The following NKAIN3 variants were observed in gnomAD, a reference collection of about 807,000 sequenced individuals.
The protein encoded by NKAIN3 is sodium/potassium-transporting ATPase subunit beta-1-interacting protein 3.
NKAIN3 carries 25 observed loss-of-function variants against 30.2 expected under a neutral mutation model. That is an observed-to-expected ratio of 0.83 (90% CI 0.60 to 1.16). The LOEUF is 1.16. Ranked by LOEUF, NKAIN3 falls within the 50% of genes most tolerant of loss-of-function variation. The pLI is 0.00. For synonymous variants in NKAIN3, 91 were observed against 89.6 expected (o/e 1.02, Z -0.09); for missense variants, 225 against 254.1 (o/e 0.89, Z 0.78).
At chr8:62,331,250 C>G (rs144238769) in intron 1 of NKAIN3, among the ~76,000 whole-genome samples, 1 of 151,302 alleles carries the variant, frequency 6.6e-6, no homozygotes, top group African/African-American at 2.4e-5. Flanking sequence ...GATCTTCACT[C>G]CCTCCTGTCC....
chr8:62,339,766 T>G (rs1356791913), intron 1 of NKAIN3, among the ~76,000 whole-genome samples: 1 of 152,056 alleles, frequency 6.6e-6, no homozygotes, highest in Non-Finnish European at 1.5e-5. Flanking sequence ...GTACCCCAAG[T>G]TAAAAAGTAA....
At chr8:62,958,889 G>T (rs1823493165) in intron 6 of NKAIN3, among the ~76,000 whole-genome samples, 1 of 152,214 alleles carries the variant, frequency 6.6e-6, no homozygotes, top group Non-Finnish European at 1.5e-5. Flanking sequence ...GACTTCTACA[G>T]CAAAGGTAGA....
chr8:62,936,145 G>C (rs560675896), intron 5 of NKAIN3, among the ~76,000 whole-genome samples: 1 of 152,224 alleles, frequency 6.6e-6, no homozygotes, highest in South Asian at 2.1e-4. Flanking sequence ...TCTTCCTCAT[G>C]GTAGTGGCTT....
At chr8:62,280,995 A>G (rs1813160586) in intron 1 of NKAIN3, among the ~76,000 whole-genome samples, 1 of 152,224 alleles carries the variant, frequency 6.6e-6, no homozygotes, top group East Asian at 1.9e-4. Context: ...CTGTGAATCC[A>G]TCTGGTCCTG....
At chr8:62,639,080 C>A (rs1296291674) in intron 3 of NKAIN3, among the ~76,000 whole-genome samples, 1 of 152,128 alleles carries the variant, frequency 6.6e-6, no homozygotes, top group Non-Finnish European at 1.5e-5. Flanking sequence ...ACACTATGCC[C>A]TTTGATTTAA....
chr8:62,706,630 G>C (rs1464821932), intron 3 of NKAIN3, among the ~76,000 whole-genome samples: 1 of 151,876 alleles, frequency 6.6e-6, no homozygotes, highest in Admixed American at 6.6e-5. Context: ...GTATGTCCCA[G>C]TAATCTATCT....
At chr8:62,999,093 T>G (rs4739040) in intron 5 of NKAIN3, 29,554 of 152,102 alleles carry the variant, frequency 0.19, 2,966 homozygotes, top group East Asian at 0.41. Flanking sequence ...CTTGTTTGGG[T>G]TCCTTATATA....
chr8:62,573,243 G>A (rs1810003471), intron 1 of NKAIN3, among the ~76,000 whole-genome samples: 1 of 152,032 alleles, frequency 6.6e-6, no homozygotes, highest in African/African-American at 2.4e-5. Context: ...AGACTTTGAA[G>A]TTTTTTACAA....
intron 3 of NKAIN3, among the ~76,000 whole-genome samples, chr8:62,644,731 G>T (rs1356303372): frequency 2.0e-5 from 3 of 152,070 alleles, no homozygotes; most frequent in Non-Finnish European, 4.4e-5. Context: ...TTTGATTTTT[G>T]ATGGTTCCTC....
At chr8:62,579,507 C>A in intron 1 of NKAIN3, 32 bp from the exon 2 acceptor site, 1 of 1,563,692 alleles carries the variant, frequency 6.4e-7, no homozygotes, top group Non-Finnish European at 8.7e-7. Context: ...TGCTTGGATT[C>A]AATGCTAATG....
chr8:62,455,313 T>C (rs556169203), intron 1 of NKAIN3, among the ~76,000 whole-genome samples: 1 of 152,350 alleles, frequency 6.6e-6, no homozygotes, highest in South Asian at 2.1e-4. Flanking sequence ...GCGGTTCATG[T>C]ACTCCATGGA....
chr8:62,754,035 G>T (rs1022367657), intron 4 of NKAIN3, among the ~76,000 whole-genome samples: 1 of 151,932 alleles, frequency 6.6e-6, no homozygotes, highest in Non-Finnish European at 1.5e-5. Flanking sequence ...TTATGGATAT[G>T]CCTTCCCAAA....
At chr8:62,918,761 T>C (rs1822181977) in intron 5 of NKAIN3, among the ~76,000 whole-genome samples, 2 of 152,162 alleles carry the variant, frequency 1.3e-5, no homozygotes, top group African/African-American at 4.8e-5. Context: ...ACTGCTGTCA[T>C]ATCATATATT....
At chr8:62,598,138 A>C (rs1810887440) in intron 3 of NKAIN3, among the ~76,000 whole-genome samples, 1 of 152,058 alleles carries the variant, frequency 6.6e-6, no homozygotes, top group Admixed American at 6.6e-5. Context: ...CATGACCAAG[A>C]AGTATAAGGC....
At chr8:62,912,519 G>A (rs1406881780) in intron 4 of NKAIN3, among the ~76,000 whole-genome samples, 2 of 151,968 alleles carry the variant, frequency 1.3e-5, no homozygotes, top group South Asian at 2.1e-4. Flanking sequence ...CAAACACATC[G>A]ACCTTCTGCA....
intron 1 of NKAIN3, among the ~76,000 whole-genome samples, chr8:62,319,182 C>T (rs906557633): frequency 6.6e-6 from 1 of 151,868 alleles, no homozygotes; most frequent in African/African-American, 2.4e-5. Context: ...TGGTGATATC[C>T]CCTTTATCAT....
intron 4 of NKAIN3, among the ~76,000 whole-genome samples, chr8:62,828,217 C>A (rs368788162): frequency 6.6e-6 from 1 of 151,956 alleles, no homozygotes; most frequent in Non-Finnish European, 1.5e-5. Flanking sequence ...ACTATTGTTA[C>A]ATAAAATTAA....
At chr8:62,629,777 A>T (rs1285213423) in intron 3 of NKAIN3, among the ~76,000 whole-genome samples, 1 of 152,160 alleles carries the variant, frequency 6.6e-6, no homozygotes, top group African/African-American at 2.4e-5. Flanking sequence ...TTAGACTGGT[A>T]AATACTAATC....
intron 4 of NKAIN3, among the ~76,000 whole-genome samples, chr8:62,885,380 A>G (rs1264730109): frequency 6.6e-6 from 1 of 152,128 alleles, no homozygotes; most frequent in East Asian, 1.9e-4. Flanking sequence ...AATTGTGTTA[A>G]GTTGTGTTTT....
Sources: allele counts gnomAD v4.1 joint callset (sites outside exome capture counted in the v4.1 genomes callset), GRCh38; gene constraint gnomAD v4.1.1; transcripts MANE v1.5; gene names NCBI Gene and HGNC (gene_info 2026-07-23, HGNC 2026-07-21).